OSBPL9: variants seen among roughly 807,000 people sequenced by gnomAD.
OSBPL9 encodes the protein oxysterol binding protein like 9.
Under a neutral mutation model 106.6 loss-of-function variants are expected in OSBPL9, and 40 were observed. The ratio of observed to expected loss-of-function variants is 0.38; its 90% CI spans 0.29 to 0.49. The LOEUF is 0.49. OSBPL9 is among the 20% of genes least tolerant of loss of function. The pLI is 0.97. For synonymous variants in OSBPL9, 269 were observed against 295.4 expected, an observed-to-expected ratio of 0.91 and a Z score of 0.92; for missense variants, 609 against 887.2, an observed-to-expected ratio of 0.69 and a Z score of 3.98.
intron 3 of OSBPL9, among the ~76,000 whole-genome samples, chr1:51,679,463 A>G (rs1652032603): frequency 6.6e-6 from 1 of 152,234 alleles, no homozygotes; most frequent in Non-Finnish European, 1.5e-5. Flanking sequence ...AATTGTTAGT[A>G]ACATGGTTGT....
the OSBPL9 span, among the ~76,000 whole-genome samples, chr1:51,536,523 G>A: frequency 6.6e-6 from 1 of 151,938 alleles, no homozygotes; most frequent in South Asian, 2.1e-4. Context: ...TCGTTATGTT[G>A]CCCAGACTGG....
upstream of OSBPL9, chr1:51,617,077 G>A (rs896876951): frequency 5.6e-6 from 8 of 1,422,000 alleles, no homozygotes; most frequent in South Asian, 4.7e-5. Context: ...GGCGAGTGAC[G>A]TCAGGCCGTT....
At chr1:51,613,668 T>C (rs950410050), upstream of OSBPL9, among the ~76,000 whole-genome samples, 5 of 151,956 alleles carry the variant, frequency 3.3e-5, no homozygotes. Flanking sequence ...GTTGCATGCA[T>C]GTTTCATGTC....
At chr1:51,662,831 A>G (rs373130692) in intron 2 of OSBPL9, among the ~76,000 whole-genome samples, 20 of 139,034 alleles carry the variant, frequency 1.4e-4, no homozygotes, top group African/African-American at 4.7e-4. Flanking sequence ...TGTAAGCTCC[A>G]CCTCCCAGGT....
rs570661466 is a variant in OSBPL9, at chr1:51,608,814, G to A, written c.-352-5491G>A. 4.6e-5 allele frequency among the ~76,000 whole-genome samples: 7 copies of A among 151,866 alleles called. No homozygotes were observed. The East Asian group carries it at 1.4e-3, about 29-fold the overall frequency. On this transcript the variant is annotated intron_variant, in intron 2 of 25. Transcript: ENST00000371714. The stretch of plus-strand genomic sequence containing the variant: ...TCTCACCTTGGATAATTCCAGTGAT[G>A]CACCTCCTGTGTTCCTAGACACAGG...
At chr1:51,663,236 A>G (rs1336625378) in intron 2 of OSBPL9, among the ~76,000 whole-genome samples, 1 of 152,074 alleles carries the variant, frequency 6.6e-6, no homozygotes, top group South Asian at 2.1e-4. Flanking sequence ...ATGACAGTCT[A>G]TTTATTTAGA....
chr1:51,738,250 G>A (rs1002023008), intron 4 of OSBPL9, among the ~76,000 whole-genome samples: 1 of 151,950 alleles, frequency 6.6e-6, no homozygotes, highest in African/African-American at 2.4e-5. Flanking sequence ...TCAGATGAGG[G>A]TATCATGAAG....
At chr1:51,706,660 A>G (rs1658609211) in intron 3 of OSBPL9, among the ~76,000 whole-genome samples, 1 of 149,740 alleles carries the variant, frequency 6.7e-6, no homozygotes, top group Admixed American at 6.7e-5. Flanking sequence ...TTGCTTTTAT[A>G]TATATATGCA....
At chr1:51,741,141 TTTAAC>T (rs1666807363) in intron 4 of OSBPL9, among the ~76,000 whole-genome samples, 1 of 152,202 alleles carries the variant, frequency 6.6e-6, no homozygotes, top group Non-Finnish European at 1.5e-5. Context: ...AGTAGTGTTA[TTTAAC>T]TTAAGTATTA....
chr1:51,622,899 T>C (rs1036970219), intron 1 of OSBPL9, among the ~76,000 whole-genome samples: 2 of 152,218 alleles, frequency 1.3e-5, no homozygotes, highest in Non-Finnish European at 2.9e-5. Context: ...TTGAAAAGAA[T>C]TTGTGGACAA....
intron 3 of OSBPL9, among the ~76,000 whole-genome samples, chr1:51,673,847 C>T (rs980273691): frequency 6.6e-6 from 1 of 151,486 alleles, no homozygotes; most frequent in African/African-American, 2.4e-5. Context: ...AGCCACTGCA[C>T]TCCAGCCTGG....
chr1:51,776,167 T>C lies in OSBPL9; in HGVS notation c.1171-666T>C, dbSNP rs1675029313. Among the ~76,000 whole-genome samples the C allele has an allele frequency of 2.0e-5, 3 of 152,232 alleles. No homozygotes were observed. The South Asian group carries it at 6.2e-4, about 32-fold the overall frequency. ...CCAGTCTGTATTCTTTTCTTCTTTT[T>C]GTTTATTCCTTTAATTGCTCATTTA... On this transcript the variant is annotated intron_variant, in intron 14 of 23. Coordinates refer to ENST00000428468, the MANE Select transcript of OSBPL9 (RefSeq NM_024586.6).
chr1:51,659,394 TTA>T (rs1286829523), intron 2 of OSBPL9, among the ~76,000 whole-genome samples: 1 of 152,088 alleles, frequency 6.6e-6, no homozygotes, highest in Admixed American at 6.5e-5. Flanking sequence ...AAACCACATG[TTA>T]AAACTGCATC....
chr1:51,769,106 T>C (rs1229095473), intron 12 of OSBPL9, among the ~76,000 whole-genome samples: 2 of 152,236 alleles, frequency 1.3e-5, no homozygotes, highest in Admixed American at 1.3e-4. Flanking sequence ...ATATATCTTA[T>C]GTCTTGGTCC....
intron 4 of OSBPL9, among the ~76,000 whole-genome samples, chr1:51,739,851 T>C (rs1014856319): frequency 7.9e-5 from 12 of 152,054 alleles, no homozygotes; most frequent in African/African-American, 2.9e-4. Context: ...AATCATGGTA[T>C]AAGTAATATT....
At chr1:51,635,944 A>G (rs1363102327) in intron 1 of OSBPL9, among the ~76,000 whole-genome samples, 3 of 152,076 alleles carry the variant, frequency 2.0e-5, no homozygotes, top group Non-Finnish European at 2.9e-5. Context: ...GTGGCTATTT[A>G]TAATCTTTAT....
chr1:51,545,005 G>A, the OSBPL9 span, among the ~76,000 whole-genome samples: 1 of 151,742 alleles, frequency 6.6e-6, no homozygotes, highest in African/African-American at 2.4e-5. Context: ...TACCACTCCT[G>A]GCTAATTTTT....
intron 1 of OSBPL9, among the ~76,000 whole-genome samples, chr1:51,648,974 G>A (rs1251525518): frequency 6.6e-6 from 1 of 151,944 alleles, no homozygotes; most frequent in Non-Finnish European, 1.5e-5. Context: ...GAATGCTATT[G>A]CCCTCTTTGT....
chr1:51,546,585 T>C, the OSBPL9 span, among the ~76,000 whole-genome samples: 1 of 151,510 alleles, frequency 6.6e-6, no homozygotes, highest in Non-Finnish European at 1.5e-5. Context: ...TAGTCCCAGC[T>C]ACTCAGGAGG....
Sources: allele counts gnomAD v4.1 joint callset (sites outside exome capture counted in the v4.1 genomes callset), GRCh38; gene constraint gnomAD v4.1.1; transcripts MANE v1.5; gene names NCBI Gene and HGNC (gene_info 2026-07-23, HGNC 2026-07-21).